Variants in P3H1 observed in about 807,000 individuals in gnomAD.
The protein encoded by P3H1 is prolyl 3-hydroxylase 1.
Under a neutral mutation model 84.0 loss-of-function variants are expected in P3H1, and 69 were observed. That is an observed-to-expected ratio of 0.82 (90% CI 0.68 to 1.00). The LOEUF is 1.00. P3H1 is among the 50% of genes least tolerant of loss of function. The pLI is 0.00. For missense variants in P3H1, 878 were observed against 962.8 expected (o/e 0.91, Z 1.17); for synonymous variants, 366 against 388.8 (o/e 0.94, Z 0.69).
intron 11 of P3H1, chr1:42,748,832 C>T (rs1651874470): frequency 4.3e-6 from 1 of 231,440 alleles, no homozygotes. Context: ...AGGGAACAGA[C>T]CGGGCTCACT....
chr1:42,760,083 C>G (rs1652627546), intron 2 of P3H1: 1 of 146,076 alleles, frequency 6.8e-6, no homozygotes, highest in Non-Finnish European at 1.5e-5. Context: ...CTCCAGGGTT[C>G]AAGCAATTCT....
In P3H1 at chr1:42,750,237, T is replaced by C. The variant is rs775879117; in HGVS notation, c.1669A>G (p.Thr557Ala). ...TGAGAGTAGGAAAAGTAGAGGGGCGTATCCAGGCGGAAGTAGGACTCCATG... is the reference window on the plus strand; with the variant it reads ...TGAGAGTAGGAAAAGTAGAGGGGCGCATCCAGGCGGAAGTAGGACTCCATG... ...RIMESYFRLD[T>A]PLYFSYSHLV... The change falls in exon 11 of 15, where the codon ACG (threonine) becomes GCG (alanine). Residue 557 changes from threonine (T) to alanine (A), a missense_variant. Thr to Ala is a moderately conservative substitution (Grantham distance 58). Transcript: ENST00000296388. The C allele has an allele frequency of 1.6e-5, 26 of 1,613,500 alleles. No individual in the cohort carries two copies. Among genetic ancestry groups the C allele is most frequent in the Non-Finnish European group, 4.2e-6 (5 of 1,179,882 alleles).
At chr1:42,764,635 A>G (rs1652900182) in intron 1 of P3H1, among the ~76,000 whole-genome samples, 1 of 152,122 alleles carries the variant, frequency 6.6e-6, no homozygotes, top group Non-Finnish European at 1.5e-5. Flanking sequence ...AGCCTGTAAT[A>G]CATGGTGCTG....
chr1:42,750,061 T>C (rs1570458307), intron 11 of P3H1, 125 bp downstream of exon 11: 1 of 1,144,492 alleles, frequency 8.7e-7, no homozygotes, highest in East Asian at 2.6e-5. Context: ...GCCACCCATG[T>C]ATTTACATTG....
In P3H1 at chr1:42,757,924, T is replaced by C; in HGVS notation, c.941-2A>G. The C allele has an allele frequency of 6.2e-7, 1 of 1,613,602 alleles. No individual in the cohort carries two copies. Reference sequence around the variant, plus strand: ...CAACAGCCTGTGTATAATTCCCAACTGCAAAGTGGAAAGAAGAATGGCTGA... The same window carrying C: ...CAACAGCCTGTGTATAATTCCCAACCGCAAAGTGGAAAGAAGAATGGCTGA... On this transcript the variant is annotated splice_acceptor_variant, in intron 4 of 14. Transcript: ENST00000296388. LOFTEE classifies it high-confidence loss of function.
intron 5 of P3H1, among the ~76,000 whole-genome samples, chr1:42,757,203 G>A (rs998320985): frequency 5.3e-5 from 8 of 152,160 alleles, no homozygotes; most frequent in Admixed American, 4.6e-4. Context: ...CACACAGGAG[G>A]GGCAGCAAGA....
chr1:42,763,672 C>CAAAAAAAAAA (rs766034061), intron 1 of P3H1, among the ~76,000 whole-genome samples: 1 of 41,524 alleles, frequency 2.4e-5, no homozygotes, highest in Non-Finnish European at 4.0e-5. Context: ...ACTCTTGTCT[C>CAAAAAAAAAA]AAAAAAAAAA....
intron 1 of P3H1, among the ~76,000 whole-genome samples, chr1:42,765,797 A>G (rs1229954581): frequency 4.6e-5 from 7 of 152,022 alleles, no homozygotes; most frequent in Non-Finnish European, 1.0e-4. Flanking sequence ...GATATTATGA[A>G]GATTAGGGCA....
In P3H1 at chr1:42,746,686, C is replaced by A; in HGVS notation, c.*11G>T. ...TGGGTCTAGTCACCCATCCGTCTGACCTGGACGCTGTCATAGCTCATCCTT... is the reference window on the plus strand; with the variant it reads ...TGGGTCTAGTCACCCATCCGTCTGAACTGGACGCTGTCATAGCTCATCCTT... On this transcript the variant is annotated 3_prime_UTR_variant, in exon 15 of 15. Coordinates refer to ENST00000296388, the MANE Select transcript of P3H1 (RefSeq NM_022356.4). 6.5e-7 allele frequency: 1 copy of A among 1,549,480 alleles called. No individual in the cohort carries two copies. The highest frequency in any genetic ancestry group is 2.4e-5 in the East Asian group (1 of 40,914).
chr1:42,748,495 T>G, intron 11 of P3H1, 178 bp from the exon 12 acceptor site: 1 of 664,048 alleles, frequency 1.5e-6, no homozygotes, highest in Non-Finnish European at 2.8e-6. Flanking sequence ...GCAGGCTTCC[T>G]AGGACAGTTC....
At chr1:42,755,285 T>C in intron 6 of P3H1, 68 bp from the exon 7 acceptor site, 1 of 1,452,720 alleles carries the variant, frequency 6.9e-7, no homozygotes, top group Non-Finnish European at 9.7e-7. Flanking sequence ...TCTCAATGCA[T>C]AAAATAAGGC....
chr1:42,766,025 AC>A (rs1440318748), intron 1 of P3H1, among the ~76,000 whole-genome samples: 8 of 134,644 alleles, frequency 5.9e-5, no homozygotes, highest in African/African-American at 2.5e-4. Flanking sequence ...CCGCCCCCAC[AC>A]ACACACAGAA....
At position 42,766,794 on chromosome 1, in the gene P3H1, G is replaced by A; in HGVS notation, c.178C>T (p.Arg60Trp). The A allele has an allele frequency of 6.2e-7, 1 of 1,602,420 alleles. No individual in the cohort carries two copies. The highest frequency in any genetic ancestry group is 8.5e-7 in the Non-Finnish European group (1 of 1,178,884). Residue 60 changes from arginine to tryptophan, a missense_variant, in exon 1 of 15, where the codon CGG (arginine) becomes TGG (tryptophan). Coordinates refer to ENST00000296388, the MANE Select transcript of P3H1 (RefSeq NM_022356.4). ...AGGGCTGCCCGGGAGCGCAGCGCCC[G>A]TTCCATGCTCAGGACCACCCCGGGC... ...DWPGVVLSMERALRSRAALRA... is the reference protein window; with the variant it reads ...DWPGVVLSMEWALRSRAALRA...
At chr1:42,747,236 GCAC>G in intron 14 of P3H1, 33 bp downstream of exon 14, 2 of 1,614,148 alleles carry the variant, frequency 1.2e-6, no homozygotes, top group Non-Finnish European at 1.7e-6. Context: ...GGTCACCACA[GCAC>G]CAGCTGCTCT....
chr1:42,755,383 T>A (rs1262347740), intron 6 of P3H1, among the ~76,000 whole-genome samples, 165 bp downstream of exon 6: 1 of 152,114 alleles, frequency 6.6e-6, no homozygotes, highest in Non-Finnish European at 1.5e-5. Flanking sequence ...AGCTGCCCAG[T>A]GTTCCCCTTT....
At chr1:42,746,997 A>G in intron 14 of P3H1, 145 bp from the exon 15 acceptor site, 1 of 1,614,178 alleles carries the variant, frequency 6.2e-7, no homozygotes, top group Non-Finnish European at 8.5e-7. Flanking sequence ...TCTCTGGAAA[A>G]GGACAGCTGA....
intron 5 of P3H1, among the ~76,000 whole-genome samples, chr1:42,757,448 A>G (rs1329643553): frequency 1.3e-5 from 2 of 152,222 alleles, no homozygotes; most frequent in African/African-American, 4.8e-5. Context: ...TTAAGTGAAA[A>G]ATGATAGCTC....
chr1:42,763,549 G>A (rs184526312), intron 1 of P3H1, among the ~76,000 whole-genome samples: 62 of 151,638 alleles, frequency 4.1e-4, no homozygotes, highest in African/African-American at 1.4e-3. Flanking sequence ...GCGCACACCC[G>A]TAATCCCAGC....
chr1:42,752,198 A>G, intron 10 of P3H1, 76 bp downstream of exon 10: 1 of 1,247,864 alleles, frequency 8.0e-7, no homozygotes, highest in Non-Finnish European at 1.2e-6. Context: ...ACCAGCCCCA[A>G]CTCTTCCTCA....
Sources: allele counts gnomAD v4.1 joint callset (sites outside exome capture counted in the v4.1 genomes callset), GRCh38; gene constraint gnomAD v4.1.1; transcripts MANE v1.5; gene names NCBI Gene and HGNC (gene_info 2026-07-23, HGNC 2026-07-21).